MRPL35: variants seen among roughly 807,000 people sequenced by gnomAD.
The protein encoded by MRPL35 is large ribosomal subunit protein bL35m.
In MRPL35, 18 loss-of-function variants were observed where a neutral mutation model predicts 21.6. The observed-to-expected ratio is 0.83, with a 90% CI of 0.58 to 1.24. The LOEUF is 1.24. Ranked by LOEUF, MRPL35 falls within the 50% of genes most tolerant of loss-of-function variation. MRPL35 has a pLI of 0.00. For synonymous variants in MRPL35, 87 were observed against 86.9 expected, an observed-to-expected ratio of 1.00 and a Z score of -0.01; for missense variants, 223 against 223.2, an observed-to-expected ratio of 1.00 and a Z score of 0.01.
At chr2:86,204,662 G>A (rs1267082309) in intron 1 of MRPL35, among the ~76,000 whole-genome samples, 1 of 152,028 alleles carries the variant, frequency 6.6e-6, no homozygotes. Context: ...CACACATCTA[G>A]GCTCTCTGAA....
At position 86,207,242 on chromosome 2, in the gene MRPL35, G is replaced by A; in HGVS notation, c.293G>A (p.Ser98Asn). 1 of 1,614,068 alleles carries A rather than the reference G, an allele frequency of 6.2e-7. No homozygotes were observed. The highest frequency in any genetic ancestry group is 8.5e-7 in the Non-Finnish European group (1 of 1,179,960). Residue 98 changes from serine (S) to asparagine (N), a missense_variant, in exon 3 of 4, where the codon AGT becomes AAT. Transcript: ENST00000337109. ...CCAGTCAGATCTCTAACATACTTCA[G>A]TGCAAGAAAAGGCAAGAGAAAGACC... ...KLPVRSLTYFSARKGKRKTVK... is the reference protein window; with the variant it reads ...KLPVRSLTYFNARKGKRKTVK...
At position 86,213,741 on chromosome 2, in the gene MRPL35, A is replaced by G. The variant is rs1321803562; in HGVS notation, c.*3073A>G. On this transcript the variant is annotated 3_prime_UTR_variant, in exon 4 of 4. Coordinates refer to ENST00000337109, the MANE Select transcript of MRPL35 (RefSeq NM_016622.4). ...GACTATTCTATTTTCACAGCTACCT[A>G]GTTTCTGCCGATGATTTTTTTAAAT... 2 of 1,452,266 alleles carry G rather than the reference A, an allele frequency of 1.4e-6. No individual in the cohort carries two copies. Among genetic ancestry groups the G allele is most frequent in the African/African-American group, 1.4e-5 (1 of 70,342 alleles). 90.0% of individuals were successfully genotyped at this position (1,452,266 alleles called of 1,614,324 possible). A position where few individuals can be genotyped will look rare whatever the true frequency, so the allele number is the denominator to read the frequency against.
At chr2:86,206,488 G>A (rs893434488) in intron 2 of MRPL35, among the ~76,000 whole-genome samples, 193 bp downstream of exon 2, 2 of 152,158 alleles carry the variant, frequency 1.3e-5, no homozygotes, top group South Asian at 2.1e-4. Context: ...GATTACAGGC[G>A]TGAGCCACTG....
In MRPL35 at chr2:86,199,504, C is replaced by T. The variant is rs369534784; in HGVS notation, c.14C>T (p.Ala5Val). The change falls in exon 1 of 4, where the codon GCC becomes GTC. Residue 5 changes from alanine to valine, a missense_variant. By Grantham distance (64) the Ala-to-Val change is moderately conservative. Transcript: ENST00000337109. ...GCGAAGGTGAAGATGGCTGCCTCTG[C>T]CTTTGCTGGTGCAGTGAGAGCAGCT... MAAS[A>V]FAGAVRAASG... The T allele has an allele frequency of 6.2e-7, 1 of 1,614,202 alleles. No individual in the cohort carries two copies. Among genetic ancestry groups the T allele is most frequent in the Non-Finnish European group, 8.5e-7 (1 of 1,180,050 alleles).
Position 86,212,239 on chromosome 2 carries a change from A to G in MRPL35, c.*1571A>G. 7.3e-7 allele frequency: 1 copy of G among 1,372,314 alleles called. No individual in the cohort carries two copies. The highest frequency in any genetic ancestry group is 9.4e-7 in the Non-Finnish European group (1 of 1,060,590). The allele number at this position is 1,372,314 out of a possible 1,614,324, so 85.0% of individuals were successfully genotyped here. ...CAGGATTATTAGGGAGATTCCTCGA[A>G]ACTAGTGTGTGTTTATTAAAAGGAG... On this transcript the variant is annotated 3_prime_UTR_variant, in exon 4 of 4. Transcript: ENST00000337109.
At chr2:86,206,340 TG>T (rs1434362325) in intron 2 of MRPL35, 45 bp downstream of exon 2, 2 of 1,536,094 alleles carry the variant, frequency 1.3e-6, no homozygotes, top group South Asian at 1.2e-5. Flanking sequence ...TTTTGTTTTT[TG>T]TTTTTTTTTG....
intron 2 of MRPL35, among the ~76,000 whole-genome samples, chr2:86,206,664 T>C (rs1382569008): frequency 7.9e-5 from 12 of 152,188 alleles, no homozygotes; most frequent in Non-Finnish European, 1.8e-4. Flanking sequence ...CTGACATCCA[T>C]GTATCTAGGC....
chr2:86,201,358 C>T (rs1457195976), intron 1 of MRPL35, among the ~76,000 whole-genome samples: 3 of 152,180 alleles, frequency 2.0e-5, no homozygotes, highest in Non-Finnish European at 4.4e-5. Context: ...GAAATATCCA[C>T]TTAAATATTT....
intron 1 of MRPL35, among the ~76,000 whole-genome samples, chr2:86,200,682 C>CTT (rs35668584): frequency 2.7e-5 from 4 of 145,458 alleles, no homozygotes; most frequent in African/African-American, 7.5e-5. Context: ...CTATATAATT[C>CTT]TTTTTTTTTT....
In MRPL35 at chr2:86,199,515, G is replaced by T. The variant is rs151046694; in HGVS notation, c.25G>T (p.Ala9Ser). 1.2e-6 allele frequency: 2 copies of T among 1,614,206 alleles called. No homozygotes were observed. The highest frequency in any genetic ancestry group is 1.1e-5 in the South Asian group (1 of 91,088). Residue 9 changes from alanine (A) to serine (S), a missense_variant, in exon 1 of 4, where the codon GCA becomes TCA. Ala to Ser is a moderately conservative substitution (Grantham distance 99). Transcript: ENST00000337109. MAASAFAG[A>S]VRAASGILRP... ...GATGGCTGCCTCTGCCTTTGCTGGT[G>T]CAGTGAGAGCAGCTTCAGGTCAGTG...
Position 86,210,612 on chromosome 2 carries a change from T to C in MRPL35, c.511T>C (p.Trp171Arg). The change falls in exon 4 of 4, where the codon TGG becomes CGG. Residue 171 changes from tryptophan (W) to arginine (R), a missense_variant. Trp to Arg is a moderately radical substitution (Grantham distance 101, BLOSUM62 -3). Transcript: ENST00000337109. ...MTTSFWKRRNWYVDDPYQKYH... is the reference protein window; with the variant it reads ...MTTSFWKRRNRYVDDPYQKYH... ...GACGTCCTTCTGGAAGAGGCGAAAC[T>C]GGTACGTTGATGATCCTTATCAGAA... is the stretch of plus-strand genomic sequence containing the variant. The C allele has an allele frequency of 6.2e-7, 1 of 1,613,956 alleles. No individual in the cohort carries two copies. Among genetic ancestry groups the C allele is most frequent in the Non-Finnish European group, 8.5e-7 (1 of 1,179,838 alleles).
chr2:86,206,324 T>C (rs757670196), intron 2 of MRPL35, 29 bp downstream of exon 2: 1 of 1,542,500 alleles, frequency 6.5e-7, no homozygotes, highest in Non-Finnish European at 8.8e-7. Flanking sequence ...TGGGGTTTTT[T>C]TTGTTTTTTG....
Position 86,211,627 on chromosome 2 carries a change from CAAGTG to C in MRPL35, c.*963_*967del. 2 of 985,366 alleles carry C rather than the reference CAAGTG, an allele frequency of 2.0e-6. No individual in the cohort carries two copies. Among genetic ancestry groups the C allele is most frequent in the South Asian group, 4.7e-5 (1 of 21,286 alleles). 61.0% of individuals were successfully genotyped at this position (985,366 alleles called of 1,614,324 possible). A position where few individuals can be genotyped will look rare whatever the true frequency, so the allele number is the denominator to read the frequency against. ...CATTCATGAAACAGAAGAGGCTGTA[CAAGTG>C]AAGACAAGGGCTTTTTATGCAAGTT... On this transcript the variant is annotated 3_prime_UTR_variant, in exon 4 of 4. Transcript: ENST00000337109.
chr2:86,206,782 A>G (rs769485873), intron 2 of MRPL35, among the ~76,000 whole-genome samples: 2 of 152,342 alleles, frequency 1.3e-5, no homozygotes, highest in Non-Finnish European at 2.9e-5. Context: ...CGCTCAGCTT[A>G]TAAGGATGGG....
At position 86,210,477 on chromosome 2, in the gene MRPL35, C is replaced by G; in HGVS notation, c.379-3C>G. ...TTTTACATTTCTTTGTAATATCTGA[C>G]AGGCTGGCTATAAGAAAAAATTATG... On this transcript the variant is annotated splice_polypyrimidine_tract_variant and splice_region_variant and intron_variant, in intron 3 of 3. Coordinates refer to ENST00000337109, the MANE Select transcript of MRPL35 (RefSeq NM_016622.4). 2 of 1,600,648 alleles carry G rather than the reference C, an allele frequency of 1.2e-6. No homozygotes were observed. Among genetic ancestry groups the G allele is most frequent in the Non-Finnish European group, 1.7e-6 (2 of 1,174,350 alleles).
intron 2 of MRPL35, 45 bp from the exon 3 acceptor site, chr2:86,207,138 T>G: frequency 6.6e-7 from 1 of 1,522,650 alleles, no homozygotes; most frequent in Non-Finnish European, 8.8e-7. Context: ...TTTAATCCTT[T>G]AATCAGTCTG....
intron 3 of MRPL35, 26 bp downstream of exon 3, chr2:86,207,353 T>C (rs951674966): frequency 2.5e-6 from 4 of 1,595,508 alleles, no homozygotes; most frequent in Non-Finnish European, 3.4e-6. Flanking sequence ...GTTACTAAAT[T>C]GAAAAAGGAA....
In MRPL35 at chr2:86,199,457, A is replaced by C. The variant is rs781132044; in HGVS notation, c.-34A>C. ...CATTCTCTTTTGCTCTTGTGCTTTT[A>C]AACCCAAAGCGGCCGCCGTAGGCGA... On this transcript the variant is annotated 5_prime_UTR_variant, in exon 1 of 4. Coordinates refer to ENST00000337109, the MANE Select transcript of MRPL35 (RefSeq NM_016622.4). The C allele has an allele frequency of 1.1e-5, 18 of 1,613,782 alleles. No homozygotes were observed. Among genetic ancestry groups the C allele is most frequent in the Non-Finnish European group, 1.4e-5 (17 of 1,179,898 alleles).
chr2:86,211,771 G>C lies in MRPL35; in HGVS notation c.*1103G>C. 1.0e-6 allele frequency: 1 copy of C among 983,860 alleles called. No individual in the cohort carries two copies. Among genetic ancestry groups the C allele is most frequent in the African/African-American group, 1.7e-5 (1 of 57,292 alleles). 60.9% of individuals were successfully genotyped at this position (983,860 alleles called of 1,614,324 possible). On this transcript the variant is annotated 3_prime_UTR_variant, in exon 4 of 4. Coordinates refer to ENST00000337109, the MANE Select transcript of MRPL35 (RefSeq NM_016622.4). ...AAGCCTCGCACTCCTGGGCTCAAGT[G>C]GTCCTCCTGCCTCAGCTTACTGAGT...
Sources: allele counts gnomAD v4.1 joint callset (sites outside exome capture counted in the v4.1 genomes callset), GRCh38; gene constraint gnomAD v4.1.1; transcripts MANE v1.5; gene names NCBI Gene and HGNC (gene_info 2026-07-23, HGNC 2026-07-21).